The following CPNE8 variants were observed in gnomAD, a reference collection of about 807,000 sequenced individuals.
CPNE8 encodes copine-8.
CPNE8 carries 45 observed loss-of-function variants against 81.5 expected under a neutral mutation model. The observed-to-expected ratio is 0.55, with a 90% CI of 0.44 to 0.71. The LOEUF (loss-of-function observed/expected upper bound fraction) is 0.71, where lower values mean the gene tolerates loss of function less well. Ranked by LOEUF, CPNE8 falls within the 30% of genes least tolerant of loss-of-function variation. The pLI, the probability that CPNE8 is intolerant of heterozygous loss-of-function variation, is 0.00. For missense variants in CPNE8, 594 were observed against 672.1 expected (o/e 0.88, Z 1.28); for synonymous variants, 252 against 226.3 (o/e 1.11, Z -1.02).
chr12:38,760,908 A>G lies in CPNE8; in HGVS notation c.681-20T>C. On this transcript the variant is annotated intron_variant, in intron 9 of 19. Coordinates refer to ENST00000331366, the MANE Select transcript of CPNE8 (RefSeq NM_153634.3). ...ATTGTTCTGTACATGAGAAAAACAT[A>G]CACATAAAGTTACTTAGTAAGATCA... The G allele has an allele frequency of 7.2e-6, 11 of 1,533,672 alleles. No individual in the cohort carries two copies. The highest frequency in any genetic ancestry group is 9.6e-6 in the Non-Finnish European group (11 of 1,142,210).
At chr12:38,882,686 A>C (rs1238953516) in intron 1 of CPNE8, among the ~76,000 whole-genome samples, 1 of 152,142 alleles carries the variant, frequency 6.6e-6, no homozygotes, top group Non-Finnish European at 1.5e-5. Context: ...CGCTTGCAAA[A>C]AACCCATTAC....
At chr12:38,778,287 A>T (rs936777587) in intron 6 of CPNE8, among the ~76,000 whole-genome samples, 1 of 152,156 alleles carries the variant, frequency 6.6e-6, no homozygotes, top group Non-Finnish European at 1.5e-5. Flanking sequence ...AGTACAGCCT[A>T]TGGTGGTTTC....
At chr12:38,890,146 T>C (rs184591173) in intron 1 of CPNE8, among the ~76,000 whole-genome samples, 93 of 152,206 alleles carry the variant, frequency 6.1e-4, no homozygotes, top group Admixed American at 2.8e-3. Flanking sequence ...ATTGACCTCA[T>C]TGAAACAAAG....
At chr12:38,655,958 G>A (rs1393526805) in intron 19 of CPNE8, among the ~76,000 whole-genome samples, 3 of 134,316 alleles carry the variant, frequency 2.2e-5, no homozygotes, top group South Asian at 5.0e-4. Context: ...AAGAAAGGCA[G>A]CTTGCTAAGG....
At chr12:38,902,362 A>AAGAAAAGAAAAGAAAG (rs1555172148) in intron 1 of CPNE8, among the ~76,000 whole-genome samples, 1 of 95,254 alleles carries the variant, frequency 1.0e-5, no homozygotes, top group Non-Finnish European at 1.9e-5. Flanking sequence ...GAAAGAAAGA[A>AAGAAAAGAAAAGAAAG]AGAAAGAAAG....
intron 10 of CPNE8, among the ~76,000 whole-genome samples, chr12:38,759,383 C>T (rs1324025960): frequency 1.3e-5 from 2 of 152,092 alleles, no homozygotes; most frequent in Non-Finnish European, 1.5e-5. Flanking sequence ...TTCTGAGCAG[C>T]AAAACTCATT....
At chr12:38,765,845 G>A (rs867534416) in intron 8 of CPNE8, among the ~76,000 whole-genome samples, 2 of 151,750 alleles carry the variant, frequency 1.3e-5, no homozygotes, top group African/African-American at 4.8e-5. Flanking sequence ...TTTATTTAAT[G>A]AGTGAACATC....
At chr12:38,881,909 A>G (rs925311461) in intron 1 of CPNE8, among the ~76,000 whole-genome samples, 1 of 148,782 alleles carries the variant, frequency 6.7e-6, no homozygotes, top group African/African-American at 2.5e-5. Context: ...AAAAATGGAG[A>G]AAAAAAAGAG....
intron 13 of CPNE8, among the ~76,000 whole-genome samples, chr12:38,719,584 G>GAAAAAAAAAAAAAAAAAAAAAAAAAA: frequency 8.1e-6 from 1 of 124,192 alleles, no homozygotes; most frequent in Non-Finnish European, 1.7e-5. Context: ...ATTGTCTCAG[G>GAAAAAAAAAAAAAAAAAAAAAAAAAA]AAAAAAAAAA....
At chr12:38,742,389 C>T (rs544860511) in intron 10 of CPNE8, among the ~76,000 whole-genome samples, 3 of 151,864 alleles carry the variant, frequency 2.0e-5, no homozygotes, top group Admixed American at 6.6e-5. Context: ...GGACATGGTT[C>T]GAAGCTGGAA....
intron 6 of CPNE8, among the ~76,000 whole-genome samples, chr12:38,786,350 C>G (rs567667868): frequency 1.5e-4 from 23 of 152,220 alleles, no homozygotes; most frequent in Admixed American, 1.3e-4. Context: ...GAAAGGCAGA[C>G]CCACCCTTAC....
At chr12:38,776,331 TTA>T in intron 6 of CPNE8, 30 bp from the exon 7 acceptor site, 1 of 945,522 alleles carries the variant, frequency 1.1e-6, no homozygotes, top group Non-Finnish European at 1.6e-6. Context: ...TTTATATACA[TTA>T]ATATGTTATA....
At chr12:38,852,780 A>G (rs1190192024) in intron 3 of CPNE8, among the ~76,000 whole-genome samples, 1 of 152,152 alleles carries the variant, frequency 6.6e-6, no homozygotes, top group East Asian at 1.9e-4. Flanking sequence ...AGGGTAATAT[A>G]TAGTATAATA....
intron 3 of CPNE8, among the ~76,000 whole-genome samples, chr12:38,869,737 C>T (rs965221406): frequency 1.1e-4 from 16 of 152,256 alleles, no homozygotes; most frequent in South Asian, 4.1e-4. Context: ...CATCTTCAGC[C>T]ATCTTCAGCT....
chr12:38,702,286 CT>C (rs766480589), intron 14 of CPNE8, among the ~76,000 whole-genome samples: 9 of 152,178 alleles, frequency 5.9e-5, no homozygotes, highest in African/African-American at 2.2e-4. Context: ...AGCCCACTAT[CT>C]TTTTTTCTTA....
At chr12:38,754,593 A>C (rs1306275302) in intron 10 of CPNE8, among the ~76,000 whole-genome samples, 1 of 151,850 alleles carries the variant, frequency 6.6e-6, no homozygotes, top group African/African-American at 2.4e-5. Flanking sequence ...GAAGATGTAC[A>C]GAAGTTAAAA....
intron 6 of CPNE8, among the ~76,000 whole-genome samples, chr12:38,793,585 A>G (rs1229499408): frequency 6.6e-6 from 1 of 151,986 alleles, no homozygotes; most frequent in Non-Finnish European, 1.5e-5. Flanking sequence ...GATAAATGTT[A>G]AGACATCTCA....
At chr12:38,844,277 C>A (rs1419102023) in intron 4 of CPNE8, among the ~76,000 whole-genome samples, 1 of 152,054 alleles carries the variant, frequency 6.6e-6, no homozygotes, top group Non-Finnish European at 1.5e-5. Flanking sequence ...TCTGAATTAT[C>A]CTCTATCTGG....
chr12:38,839,237 G>A (rs973344167), intron 5 of CPNE8, among the ~76,000 whole-genome samples: 4 of 151,604 alleles, frequency 2.6e-5, no homozygotes, highest in Non-Finnish European at 5.9e-5. Flanking sequence ...TTTCGCTGGA[G>A]TATCTCACTC....
Sources: allele counts gnomAD v4.1 joint callset (sites outside exome capture counted in the v4.1 genomes callset), GRCh38; gene constraint gnomAD v4.1.1; transcripts MANE v1.5; gene names NCBI Gene and HGNC (gene_info 2026-07-23, HGNC 2026-07-21).